COL25A1: variants seen among roughly 807,000 people sequenced by gnomAD.
COL25A1 encodes collagen type XXV alpha 1 chain.
In COL25A1, 103 loss-of-function variants were observed where a neutral mutation model predicts 128.4. That is an observed-to-expected ratio of 0.80 (90% confidence interval 0.68 to 0.94). The LOEUF is 0.94. COL25A1 is among the 40% of genes least tolerant of loss of function. COL25A1 has a pLI of 0.00. For missense variants in COL25A1, 745 were observed against 840.0 expected (o/e 0.89, Z 1.40); for synonymous variants, 279 against 277.2 (o/e 1.01, Z -0.06).
At chr4:109,019,373 CACATATATATATATAT>C (rs1214884366) in intron 5 of COL25A1, among the ~76,000 whole-genome samples, 3 of 31,906 alleles carry the variant, frequency 9.4e-5, no homozygotes, top group African/African-American at 3.1e-4. Flanking sequence ...CACACACACA[CACATATATATATATAT>C]ATATATATAT....
chr4:109,105,494 T>G (rs772615076), intron 3 of COL25A1, among the ~76,000 whole-genome samples: 2 of 152,110 alleles, frequency 1.3e-5, no homozygotes, highest in Admixed American at 6.5e-5. Flanking sequence ...CCATCTCAAA[T>G]AAACAAACAA....
rs1235945754 is a variant in COL25A1, at chr4:108,856,579, G to A, written c.1320+3077C>T. ...CTCAATTCACTAGAGCACTATGTTA[G>A]GGAAACCAATAGTTTTGATGTGAAA... On this transcript the variant is annotated intron_variant, in intron 24 of 37. Coordinates refer to ENST00000399132, the MANE Select transcript of COL25A1 (RefSeq NM_198721.4). 3.9e-5 allele frequency among the ~76,000 whole-genome samples: 6 copies of A among 151,994 alleles called. No homozygotes were observed. In the East Asian group the frequency reaches 1.2e-3, roughly 29 times the overall value.
chr4:108,932,296 T>G (rs968699125), intron 11 of COL25A1, among the ~76,000 whole-genome samples: 1 of 152,236 alleles, frequency 6.6e-6, no homozygotes, highest in African/African-American at 2.4e-5. Flanking sequence ...AACATTTTCA[T>G]GCTTACGTTA....
Position 109,189,470 on chromosome 4 carries a change from C to T in COL25A1, c.367+111113G>A, listed in dbSNP as rs1251725624. Among the ~76,000 whole-genome samples the T allele has an allele frequency of 3.4e-5, 5 of 148,690 alleles. No homozygotes were observed. In the East Asian group the frequency reaches 9.9e-4, roughly 29 times the overall value. On this transcript the variant is annotated intron_variant, in intron 3 of 37. Transcript: ENST00000399132. Reference sequence around the variant, plus strand: ...GGCTGAGGCAGGAGAATGGCATGAACCCAGGAGGCAGAGCATGTAGTGAGC... The same window carrying T: ...GGCTGAGGCAGGAGAATGGCATGAATCCAGGAGGCAGAGCATGTAGTGAGC...
chr4:109,278,066 C>T (rs956137865), intron 3 of COL25A1, among the ~76,000 whole-genome samples: 4 of 149,718 alleles, frequency 2.7e-5, no homozygotes, highest in Admixed American at 6.6e-5. Context: ...ACCCAGGAGG[C>T]GGAGGTTGCA....
intron 5 of COL25A1, among the ~76,000 whole-genome samples, chr4:109,021,140 G>A (rs1486594085): frequency 1.3e-5 from 2 of 152,134 alleles, no homozygotes; most frequent in African/African-American, 4.8e-5. Context: ...TGGATATGGT[G>A]TTTTGTATTT....
chr4:108,923,037 G>A (rs1169230588), intron 11 of COL25A1, among the ~76,000 whole-genome samples: 10 of 152,154 alleles, frequency 6.6e-5, no homozygotes, highest in African/African-American at 1.9e-4. Context: ...ACACACACAC[G>A]TGTGCGCATG....
At chr4:109,005,940 A>AT (rs1463999697) in intron 6 of COL25A1, among the ~76,000 whole-genome samples, 1 of 152,200 alleles carries the variant, frequency 6.6e-6, no homozygotes, top group Non-Finnish European at 1.5e-5. Context: ...CAAAAAACAA[A>AT]TTTTGACATT....
intron 3 of COL25A1, among the ~76,000 whole-genome samples, chr4:109,225,942 A>G (rs1028500656): frequency 6.6e-6 from 1 of 151,914 alleles, no homozygotes; most frequent in Non-Finnish European, 1.5e-5. Flanking sequence ...GTATTTATAT[A>G]AATATATGCA....
At chr4:109,062,095 A>T (rs1762033354) in intron 3 of COL25A1, among the ~76,000 whole-genome samples, 1 of 152,160 alleles carries the variant, frequency 6.6e-6, no homozygotes, top group African/African-American at 2.4e-5. Context: ...TTGGCTTTCC[A>T]TCTGGCATCT....
At chr4:108,993,296 G>A (rs1754409162) in intron 6 of COL25A1, among the ~76,000 whole-genome samples, 1 of 152,066 alleles carries the variant, frequency 6.6e-6, no homozygotes, top group Admixed American at 6.6e-5. Context: ...ATCTTTCTGT[G>A]CCTGGCTTAT....
chr4:108,822,519 T>C (rs1731904051), intron 35 of COL25A1, among the ~76,000 whole-genome samples: 1 of 152,088 alleles, frequency 6.6e-6, no homozygotes, highest in Non-Finnish European at 1.5e-5. Context: ...TGAGTTCAAG[T>C]GATCTTCCCA....
At chr4:109,170,589 T>G (rs1981562) in intron 3 of COL25A1, among the ~76,000 whole-genome samples, 90,059 of 151,860 alleles carry the variant, frequency 0.59, 27,205 homozygotes, top group South Asian at 0.68. Context: ...ACGTGCCCAT[T>G]GTATGCCCCC....
At chr4:109,208,897 G>A (rs900806456) in intron 3 of COL25A1, among the ~76,000 whole-genome samples, 3 of 152,148 alleles carry the variant, frequency 2.0e-5, no homozygotes, top group Admixed American at 2.0e-4. Context: ...AAACCAGACT[G>A]TTTCTTACAC....
intron 3 of COL25A1, among the ~76,000 whole-genome samples, chr4:109,225,983 G>T (rs1045057015): frequency 1.5e-5 from 2 of 137,124 alleles, no homozygotes; most frequent in African/African-American, 2.8e-5. Flanking sequence ...ATAGTATTCC[G>T]TTGTATTTGT....
At chr4:108,902,775 G>GA (rs1742992404) in intron 13 of COL25A1, among the ~76,000 whole-genome samples, 3 of 151,860 alleles carry the variant, frequency 2.0e-5, no homozygotes, top group African/African-American at 7.2e-5. Flanking sequence ...GGTAAAATGG[G>GA]AAAAAATGTT....
At chr4:109,298,265 A>G (rs1216006454) in intron 3 of COL25A1, among the ~76,000 whole-genome samples, 4 of 152,128 alleles carry the variant, frequency 2.6e-5, no homozygotes, top group Non-Finnish European at 5.9e-5. Flanking sequence ...GCATAAAAAT[A>G]TATCTATAAA....
At chr4:109,209,043 G>A (rs960001065) in intron 3 of COL25A1, among the ~76,000 whole-genome samples, 1 of 152,096 alleles carries the variant, frequency 6.6e-6, no homozygotes, top group African/African-American at 2.4e-5. Flanking sequence ...ACATGACAAA[G>A]AATGTTATGT....
At chr4:109,116,862 T>C (rs1767621350) in intron 3 of COL25A1, among the ~76,000 whole-genome samples, 1 of 151,886 alleles carries the variant, frequency 6.6e-6, no homozygotes, top group Admixed American at 6.6e-5. Flanking sequence ...GTAACACAAA[T>C]GAAGAATGCC....
Sources: gnomAD v4.1 joint callset for allele counts (sites outside exome capture counted in the v4.1 genomes callset) on GRCh38, gnomAD v4.1.1 for gene constraint, MANE v1.5 for transcripts, NCBI Gene and HGNC (gene_info 2026-07-23, HGNC 2026-07-21) for gene names.